Variants in ANO4 observed in about 807,000 individuals in gnomAD.
ANO4 encodes anoctamin-4.
In ANO4, 69 loss-of-function variants were observed where a neutral mutation model predicts 141.9. That is an observed-to-expected ratio of 0.49 (90% CI 0.40 to 0.59). The LOEUF (loss-of-function observed/expected upper bound fraction) is 0.59, where lower values mean the gene tolerates loss of function less well. Ranked by LOEUF, ANO4 falls within the 20% of genes least tolerant of loss-of-function variation. The pLI is 0.00. For synonymous variants in ANO4, 350 were observed against 394.3 expected (o/e 0.89, Z 1.33); for missense variants, 894 against 1,162.2 (o/e 0.77, Z 3.36).
chr12:100,872,743 A>T (rs2039094085), intron 1 of ANO4, among the ~76,000 whole-genome samples: 1 of 152,212 alleles, frequency 6.6e-6, no homozygotes, highest in African/African-American at 2.4e-5. Flanking sequence ...TAGTTGTATA[A>T]CTTCTACAAG....
intron 3 of ANO4, among the ~76,000 whole-genome samples, chr12:100,933,954 T>C (rs2042185865): frequency 6.6e-6 from 1 of 152,220 alleles, no homozygotes; most frequent in East Asian, 1.9e-4. Context: ...GGTTGTTTTT[T>C]TCTTGTAAAT....
chr12:100,785,648 A>G (rs573752923), intron 3 of ANO4, among the ~76,000 whole-genome samples: 8 of 152,266 alleles, frequency 5.3e-5, no homozygotes, highest in African/African-American at 1.9e-4. Flanking sequence ...ATTCCTCTAC[A>G]GAAGGACATC....
chr12:101,065,082 G>A (rs1351426698), intron 14 of ANO4, among the ~76,000 whole-genome samples: 23 of 152,152 alleles, frequency 1.5e-4, no homozygotes. Flanking sequence ...AAGCTGTAAA[G>A]TGCTTTGTTT....
intron 1 of ANO4, among the ~76,000 whole-genome samples, chr12:100,830,266 C>T (rs943438312): frequency 7.2e-5 from 11 of 151,834 alleles, no homozygotes; most frequent in African/African-American, 2.7e-4. Flanking sequence ...TTAAGGGGCC[C>T]GAGATGCTGT....
chr12:100,808,559 A>C (rs2035203031), intron 1 of ANO4, among the ~76,000 whole-genome samples: 1 of 152,182 alleles, frequency 6.6e-6, no homozygotes, highest in Non-Finnish European at 1.5e-5. Context: ...TTCTTTTATG[A>C]ATCTCCTTAG....
In ANO4 at chr12:100,939,376, T is replaced by C. The variant is rs772916802; in HGVS notation, c.222T>C (p.Asp74=). ...AAGCTGTCAGCAGTCCTTGCAAAGA[T>C]GACGATTCTCTTCTTCACCCTGGAA... ...ELEAVSSPCK[D]DDSLLHPGNL... Residue 74 remains aspartate (D), a synonymous_variant, in exon 4 of 28, where the codon GAT becomes GAC. Transcript: ENST00000392977. 5 of 1,613,814 alleles carry C rather than the reference T, an allele frequency of 3.1e-6. No homozygotes were observed. Among genetic ancestry groups the C allele is most frequent in the South Asian group, 1.1e-5 (1 of 91,056 alleles).
intron 1 of ANO4, among the ~76,000 whole-genome samples, chr12:100,728,954 C>T (rs968128121): frequency 6.6e-5 from 10 of 152,106 alleles, no homozygotes; most frequent in Non-Finnish European, 1.5e-5. Flanking sequence ...CCGAACCCAC[C>T]CCTGCCCCAT....
intron 14 of ANO4, among the ~76,000 whole-genome samples, chr12:101,055,411 C>T (rs1467089766): frequency 1.3e-5 from 2 of 152,150 alleles, no homozygotes; most frequent in Non-Finnish European, 2.9e-5. Context: ...TTTTAATTTG[C>T]ATTTCCCTAA....
chr12:100,823,777 T>C (rs1013912782), intron 1 of ANO4, among the ~76,000 whole-genome samples: 1 of 152,048 alleles, frequency 6.6e-6, no homozygotes, highest in Non-Finnish European at 1.5e-5. Flanking sequence ...TGTCTTGTAG[T>C]TTGTGGTGAC....
At chr12:101,126,838 GCA>G (rs776711437) in intron 26 of ANO4, 39 bp from the exon 27 acceptor site, 5 of 1,564,096 alleles carry the variant, frequency 3.2e-6, no homozygotes, top group Middle Eastern at 1.7e-4. Flanking sequence ...CATTCAGGAT[GCA>G]CAGTAGACCT....
chr12:100,915,699 A>C (rs530018697), intron 2 of ANO4, among the ~76,000 whole-genome samples: 337 of 152,292 alleles, frequency 2.2e-3, no homozygotes, highest in Admixed American at 3.6e-3. Flanking sequence ...AAGCACCTAG[A>C]TCTAACATGA....
intron 3 of ANO4, among the ~76,000 whole-genome samples, chr12:100,785,364 T>C (rs2033840134): frequency 6.6e-6 from 1 of 152,198 alleles, no homozygotes; most frequent in African/African-American, 2.4e-5. Flanking sequence ...CAGAGTAGTT[T>C]CACTGCCCTA....
chr12:100,940,950 T>C (rs1478486379), intron 4 of ANO4, among the ~76,000 whole-genome samples: 1 of 152,198 alleles, frequency 6.6e-6, no homozygotes, highest in East Asian at 1.9e-4. Context: ...ATTTGTAACT[T>C]CTATGTAAGT....
At chr12:100,735,817 C>T (rs2031583315) in intron 2 of ANO4, among the ~76,000 whole-genome samples, 2 of 152,136 alleles carry the variant, frequency 1.3e-5, no homozygotes, top group South Asian at 4.2e-4. Context: ...GCCCGTGAGA[C>T]TTCTCACGTC....
chr12:101,044,997 AT>A lies in ANO4; in HGVS notation c.1251+1373del, dbSNP rs35550760. Among the ~76,000 whole-genome samples, 297 of 119,484 alleles carry A rather than the reference AT, an allele frequency of 2.5e-3. 1 individual carries two copies. The highest frequency in any genetic ancestry group is 7.5e-3 in the African/African-American group (247 of 32,774). The allele number at this position is 119,484 out of a possible 152,430, so 78.4% of individuals were successfully genotyped here. A position where few individuals can be genotyped will look rare whatever the true frequency, so the allele number is the denominator to read the frequency against. On this transcript the variant is annotated intron_variant, in intron 13 of 27. Transcript: ENST00000392977. Reference sequence around the variant, plus strand: ...GGGGAAACCCCAAAATCAGAAGCCAATTTTTTTTTTTAATGTGGAAAGATAT... The same window carrying A: ...GGGGAAACCCCAAAATCAGAAGCCAATTTTTTTTTTAATGTGGAAAGATAT...
intron 1 of ANO4, among the ~76,000 whole-genome samples, chr12:100,879,663 A>G (rs966041398): frequency 2.6e-5 from 4 of 152,168 alleles, no homozygotes; most frequent in African/African-American, 9.7e-5. Flanking sequence ...TTGTATTCCT[A>G]GCATCAGGCA....
intron 1 of ANO4, among the ~76,000 whole-genome samples, chr12:100,730,590 A>C (rs1262553606): frequency 6.6e-6 from 1 of 152,156 alleles, no homozygotes; most frequent in Non-Finnish European, 1.5e-5. Flanking sequence ...CATTTACCTT[A>C]TGCCAGCCAC....
chr12:101,015,549 T>C (rs1331069968), intron 8 of ANO4, among the ~76,000 whole-genome samples: 1 of 152,234 alleles, frequency 6.6e-6, no homozygotes, highest in Non-Finnish European at 1.5e-5. Flanking sequence ...TTTGCTATTA[T>C]AACCCATGCC....
chr12:100,769,524 T>G (rs1168263988), intron 3 of ANO4, among the ~76,000 whole-genome samples: 1 of 152,212 alleles, frequency 6.6e-6, no homozygotes, highest in Non-Finnish European at 1.5e-5. Flanking sequence ...AGTTTTTCTA[T>G]TTGTGAAATG....
Sources: allele counts gnomAD v4.1 joint callset (sites outside exome capture counted in the v4.1 genomes callset), GRCh38; gene constraint gnomAD v4.1.1; transcripts MANE v1.5; gene names NCBI Gene and HGNC (gene_info 2026-07-23, HGNC 2026-07-21).